KYAT3: variants seen among roughly 807,000 people sequenced by gnomAD.
The protein encoded by KYAT3 is kynurenine aminotransferase 3, also known as kynurenine--oxoglutarate transaminase 3.
Under a neutral mutation model 59.0 loss-of-function variants are expected in KYAT3, and 50 were observed. The ratio of observed to expected loss-of-function variants is 0.85; its 90% CI spans 0.68 to 1.07. KYAT3 has a LOEUF of 1.07. Among genes scored for constraint, KYAT3 ranks in the 50% least tolerant of loss-of-function variants. KYAT3 has a pLI of 0.00. For missense variants in KYAT3, 497 were observed against 533.3 expected (o/e 0.93, Z 0.67); for synonymous variants, 148 against 177.0 (o/e 0.84, Z 1.30).
At chr1:88,931,325 C>T (rs1448874891), downstream of KYAT3, among the ~76,000 whole-genome samples, 1 of 152,160 alleles carries the variant, frequency 6.6e-6, no homozygotes, top group East Asian at 1.9e-4. Context: ...CTTCCAGAAT[C>T]GAAGCTGTAA....
intron 2 of KYAT3, chr1:88,983,327 G>A: frequency 6.2e-7 from 1 of 1,614,090 alleles, no homozygotes; most frequent in Non-Finnish European, 8.5e-7. Flanking sequence ...TAGTCCTGAA[G>A]GTGCAGATCT....
At chr1:88,930,455 C>T in the KYAT3 span, among the ~76,000 whole-genome samples, 5 of 152,112 alleles carry the variant, frequency 3.3e-5, no homozygotes, top group East Asian at 1.9e-4. Context: ...CTGCGCCGCT[C>T]GAGGGGACCT....
At chr1:88,974,713 T>C (rs1319854191) in intron 2 of KYAT3, among the ~76,000 whole-genome samples, 2 of 151,964 alleles carry the variant, frequency 1.3e-5, no homozygotes, top group South Asian at 2.1e-4. Context: ...AGCTAAAGGA[T>C]TGTAAATGCA....
At position 88,961,298 on chromosome 1, in the gene KYAT3, T is replaced by C; in HGVS notation, c.667-11A>G. ...CTCTCTGTTATACACCTACACATAATAAAGGAAAGAGCACAGCCAATTATT... is the reference window on the plus strand; with the variant it reads ...CTCTCTGTTATACACCTACACATAACAAAGGAAAGAGCACAGCCAATTATT... On this transcript the variant is annotated splice_polypyrimidine_tract_variant and intron_variant, in intron 7 of 13. Coordinates refer to ENST00000260508, the MANE Select transcript of KYAT3 (RefSeq NM_001008661.3). 1.2e-6 allele frequency: 2 copies of C among 1,613,588 alleles called. No individual in the cohort carries two copies. Among genetic ancestry groups the C allele is most frequent in the Non-Finnish European group, 1.7e-6 (2 of 1,179,876 alleles).
At position 88,935,788 on chromosome 1, in the gene KYAT3, A is replaced by C. The variant is rs562013354; in HGVS notation, c.*395T>G. 1.6e-4 allele frequency: 64 copies of C among 394,136 alleles called. No homozygotes were observed. The highest frequency in any genetic ancestry group is 2.2e-4 in the Non-Finnish European group (49 of 223,170). 24.4% of individuals were successfully genotyped at this position (394,136 alleles called of 1,614,324 possible). A position where few individuals can be genotyped will look rare whatever the true frequency, so the allele number is the denominator to read the frequency against. ...GAAACATGAAACCGGCTAAAGTCAG[A>C]TGAGTGTTTATTGTTTGCCAGGCTT... On this transcript the variant is annotated 3_prime_UTR_variant, in exon 14 of 14. Transcript: ENST00000260508.
intron 12 of KYAT3, 33 bp downstream of exon 12, chr1:88,943,317 T>C (rs1675310910): frequency 5.5e-6 from 7 of 1,283,268 alleles, no homozygotes; most frequent in Non-Finnish European, 7.8e-6. Context: ...CTATAAAATA[T>C]AACAGAATCT....
intron 8 of KYAT3, among the ~76,000 whole-genome samples, chr1:88,958,834 CTG>C (rs201237291): frequency 0.021 from 3,131 of 152,296 alleles, 112 homozygotes; most frequent in African/African-American, 0.071. Context: ...ATGTAGAACA[CTG>C]TGATCTCATG....
rs34576826 is a variant in KYAT3, at chr1:88,958,418, TA to T, written c.787+2748del. 5.6e-3 allele frequency among the ~76,000 whole-genome samples: 776 copies of T among 138,942 alleles called. 10 individuals carry two copies. Among genetic ancestry groups the T allele is most frequent in the Admixed American group, 0.023 (319 of 13,888 alleles). 91.2% of individuals were successfully genotyped at this position (138,942 alleles called of 152,430 possible). A position where few individuals can be genotyped will look rare whatever the true frequency, so the allele number is the denominator to read the frequency against. On this transcript the variant is annotated intron_variant, in intron 8 of 13. Transcript: ENST00000260508. ...CCTCTGTGGCTGGCTCTCATCTTTG[TA>T]AAAAAAAAAAAAAAAAAATCTAGTC... is the stretch of plus-strand genomic sequence containing the variant.
At chr1:88,947,317 A>AC (rs570823673) in intron 11 of KYAT3, among the ~76,000 whole-genome samples, 31 of 151,782 alleles carry the variant, frequency 2.0e-4, no homozygotes, top group African/African-American at 7.3e-4. Context: ...CACAGATCCC[A>AC]CTCTCTCTCT....
the KYAT3 span, among the ~76,000 whole-genome samples, chr1:88,922,746 C>T: frequency 1.3e-5 from 2 of 152,158 alleles, no homozygotes; most frequent in Non-Finnish European, 2.9e-5. Context: ...CCTATTTCCT[C>T]CCATCTTTAT....
At chr1:88,928,006 T>C in the KYAT3 span, among the ~76,000 whole-genome samples, 29 of 152,294 alleles carry the variant, frequency 1.9e-4, no homozygotes, top group South Asian at 6.2e-4. Flanking sequence ...TAGACCTTCA[T>C]TGGGACACAG....
intron 13 of KYAT3, among the ~76,000 whole-genome samples, chr1:88,940,931 C>A (rs1426416910): frequency 1.3e-5 from 2 of 152,208 alleles, no homozygotes; most frequent in African/African-American, 4.8e-5. Context: ...AAAGCAGGAT[C>A]CTTTCTAGGG....
intron 13 of KYAT3, among the ~76,000 whole-genome samples, chr1:88,936,685 C>T (rs376954959): frequency 6.2e-5 from 8 of 129,320 alleles, no homozygotes; most frequent in African/African-American, 2.0e-4. Flanking sequence ...TTAGTTCATT[C>T]ACACTACTCT....
chr1:88,952,955 C>G, intron 10 of KYAT3, 108 bp downstream of exon 10: 1 of 672,928 alleles, frequency 1.5e-6, no homozygotes, highest in Admixed American at 2.6e-5. Context: ...TTAGAAGGCC[C>G]TGCAACAGAA....
chr1:88,978,952 G>C (rs540521877), intron 2 of KYAT3, among the ~76,000 whole-genome samples: 2 of 152,236 alleles, frequency 1.3e-5, no homozygotes, highest in African/African-American at 4.8e-5. Flanking sequence ...ACCACACCTG[G>C]TGGAGTTGTG....
At chr1:88,979,661 C>T (rs969527339) in intron 2 of KYAT3, 3 of 152,154 alleles carry the variant, frequency 2.0e-5, no homozygotes, top group African/African-American at 7.2e-5. Context: ...CACTAGATTC[C>T]CATCAGAATG....
At chr1:88,922,844 C>T in the KYAT3 span, among the ~76,000 whole-genome samples, 1 of 152,184 alleles carries the variant, frequency 6.6e-6, no homozygotes, top group Non-Finnish European at 1.5e-5. Flanking sequence ...CCATTGGCCA[C>T]AGTGATTAGT....
chr1:88,953,944 C>A (rs1267966806), intron 9 of KYAT3, among the ~76,000 whole-genome samples: 1 of 150,484 alleles, frequency 6.6e-6, no homozygotes, highest in Non-Finnish European at 1.5e-5. Flanking sequence ...CTCTTGTTGC[C>A]CAGACTAGAG....
chr1:88,987,786 T>C (rs984604825), intron 2 of KYAT3, among the ~76,000 whole-genome samples: 2 of 152,238 alleles, frequency 1.3e-5, no homozygotes, highest in African/African-American at 4.8e-5. Flanking sequence ...AACAATAATT[T>C]CTTGTTAACA....
Sources: gnomAD v4.1 joint callset for allele counts (sites outside exome capture counted in the v4.1 genomes callset) on GRCh38, gnomAD v4.1.1 for gene constraint, MANE v1.5 for transcripts, NCBI Gene and HGNC (gene_info 2026-07-23, HGNC 2026-07-21) for gene names.